FHIT: variants seen among roughly 807,000 people sequenced by gnomAD.
FHIT encodes the protein fragile histidine triad diadenosine triphosphatase, also known as bis(5'-adenosyl)-triphosphatase.
In FHIT, 19 loss-of-function variants were observed where a neutral mutation model predicts 17.9. The ratio of observed to expected loss-of-function variants is 1.06; its 90% CI spans 0.74 to 1.56. The LOEUF is 1.56. FHIT is among the 40% of genes most tolerant of loss of function. FHIT has a pLI of 0.00. For synonymous variants in FHIT, 81 were observed against 69.7 expected (o/e 1.16, Z -0.81); for missense variants, 248 against 189.2 (o/e 1.31, Z -1.82).
intron 5 of FHIT, among the ~76,000 whole-genome samples, chr3:60,534,439 C>CAAAAAAAAAAAAAAAAAAAAAAAA (rs563992117): frequency 3.1e-5 from 1 of 32,404 alleles, no homozygotes; most frequent in Non-Finnish European, 5.2e-5. Flanking sequence ...GACTCCGTCT[C>CAAAAAAAAAAAAAAAAAAAAAAAA]AAAAAAAAAA....
At chr3:60,897,082 C>A (rs1360555361) in intron 3 of FHIT, among the ~76,000 whole-genome samples, 1 of 152,160 alleles carries the variant, frequency 6.6e-6, no homozygotes, top group Non-Finnish European at 1.5e-5. Context: ...TTGCTTTTTG[C>A]ACTACCAATA....
chr3:60,806,403 G>A (rs1701389075), intron 4 of FHIT, among the ~76,000 whole-genome samples: 1 of 152,220 alleles, frequency 6.6e-6, no homozygotes, highest in East Asian at 1.9e-4. Flanking sequence ...AGGCGGACCT[G>A]CAGCTTTATG....
intron 3 of FHIT, among the ~76,000 whole-genome samples, chr3:60,916,391 T>C (rs1707002954): frequency 6.6e-6 from 1 of 152,182 alleles, no homozygotes; most frequent in Non-Finnish European, 1.5e-5. Context: ...TACCAATACA[T>C]CTTGCATTGA....
At chr3:60,186,340 G>C (rs938297815) in intron 5 of FHIT, among the ~76,000 whole-genome samples, 2 of 151,986 alleles carry the variant, frequency 1.3e-5, no homozygotes, top group Non-Finnish European at 2.9e-5. Flanking sequence ...TTTTACAGTG[G>C]ATGTTCAACT....
chr3:60,134,426 C>T (rs930281960), intron 5 of FHIT, among the ~76,000 whole-genome samples: 3 of 152,156 alleles, frequency 2.0e-5, no homozygotes, highest in African/African-American at 7.2e-5. Context: ...TATAATTCAT[C>T]CAATAAGCTT....
chr3:61,040,627 T>A (rs866938469), intron 3 of FHIT, among the ~76,000 whole-genome samples: 2 of 152,136 alleles, frequency 1.3e-5, no homozygotes, highest in Admixed American at 6.5e-5. Flanking sequence ...GATGAAGGGA[T>A]CTACACAGAA....
chr3:60,698,368 T>C (rs1163803700), intron 4 of FHIT, among the ~76,000 whole-genome samples: 4 of 152,172 alleles, frequency 2.6e-5, no homozygotes, highest in Admixed American at 2.6e-4. Flanking sequence ...TTTTGTCCCA[T>C]ACCTTCAGTC....
intron 5 of FHIT, among the ~76,000 whole-genome samples, chr3:60,137,969 G>A (rs1310897694): frequency 6.6e-6 from 1 of 152,136 alleles, no homozygotes; most frequent in African/African-American, 2.4e-5. Flanking sequence ...AGCTCCACTT[G>A]CACAGCATTA....
chr3:60,316,230 T>C (rs1443187509), intron 5 of FHIT, among the ~76,000 whole-genome samples: 2 of 152,178 alleles, frequency 1.3e-5, no homozygotes, highest in Non-Finnish European at 2.9e-5. Context: ...TGTATGTGTG[T>C]GTCAAAATAA....
chr3:60,043,924 A>G (rs1701547295), intron 5 of FHIT, among the ~76,000 whole-genome samples: 2 of 152,260 alleles, frequency 1.3e-5, no homozygotes, highest in African/African-American at 2.4e-5. Flanking sequence ...TCAAAATAAT[A>G]AAACAGAATA....
At chr3:59,859,217 AC>A (rs1296300207) in intron 8 of FHIT, among the ~76,000 whole-genome samples, 1 of 152,202 alleles carries the variant, frequency 6.6e-6, no homozygotes, top group African/African-American at 2.4e-5. Flanking sequence ...AAGTGGGGAT[AC>A]GGTCAGTGTG....
At chr3:60,351,789 G>A (rs1246415898) in intron 5 of FHIT, among the ~76,000 whole-genome samples, 1 of 152,136 alleles carries the variant, frequency 6.6e-6, no homozygotes, top group Non-Finnish European at 1.5e-5. Flanking sequence ...GTCATTCTCT[G>A]CTCATATCTT....
At chr3:59,935,523 G>C (rs1451552809) in intron 7 of FHIT, among the ~76,000 whole-genome samples, 1 of 152,086 alleles carries the variant, frequency 6.6e-6, no homozygotes, top group Non-Finnish European at 1.5e-5. Context: ...TCTTCCACTA[G>C]TCTGGAACTC....
chr3:60,784,187 T>C (rs1553726295), intron 4 of FHIT, among the ~76,000 whole-genome samples: 1 of 152,116 alleles, frequency 6.6e-6, no homozygotes, highest in Non-Finnish European at 1.5e-5. Flanking sequence ...AGCTTCTAAT[T>C]GCATTCTGTC....
intron 8 of FHIT, among the ~76,000 whole-genome samples, chr3:59,792,724 T>A (rs2046454): frequency 5.3e-5 from 8 of 151,952 alleles, no homozygotes; most frequent in Non-Finnish European, 7.4e-5. Context: ...AATTTCAAGC[T>A]TTTATATCCA....
chr3:61,219,718 A>G (rs2039785440), intron 1 of FHIT, among the ~76,000 whole-genome samples: 2 of 152,222 alleles, frequency 1.3e-5, no homozygotes, highest in African/African-American at 4.8e-5. Context: ...TAAACATGGA[A>G]GTAGAGCAGT....
chr3:60,648,556 T>TA (rs1407879646), intron 4 of FHIT, among the ~76,000 whole-genome samples: 2 of 151,966 alleles, frequency 1.3e-5, no homozygotes, highest in Non-Finnish European at 2.9e-5. Context: ...TGAATATTGC[T>TA]AAAAACACCA....
chr3:60,502,588 C>T (rs972489002), intron 5 of FHIT, among the ~76,000 whole-genome samples: 1 of 152,136 alleles, frequency 6.6e-6, no homozygotes, highest in Non-Finnish European at 1.5e-5. Flanking sequence ...TAATGTCAGG[C>T]ATCATAAAAA....
chr3:60,305,895 G>T (rs1227509614), intron 5 of FHIT, among the ~76,000 whole-genome samples: 1 of 151,988 alleles, frequency 6.6e-6, no homozygotes, highest in African/African-American at 2.4e-5. Flanking sequence ...TTTTGAATTT[G>T]GAATTTTTAT....
Sources: allele counts gnomAD v4.1 joint callset (sites outside exome capture counted in the v4.1 genomes callset), GRCh38; gene constraint gnomAD v4.1.1; transcripts MANE v1.5; gene names NCBI Gene and HGNC (gene_info 2026-07-23, HGNC 2026-07-21).